The following ANKS1B variants were observed in gnomAD, a reference collection of about 807,000 sequenced individuals.
ANKS1B encodes the protein ankyrin repeat and sterile alpha motif domain containing 1B.
ANKS1B carries 36 observed loss-of-function variants against 148.3 expected under a neutral mutation model. That is an observed-to-expected ratio of 0.24 (90% confidence interval 0.19 to 0.32). The LOEUF is 0.32. ANKS1B is among the 10% of genes least tolerant of loss of function. ANKS1B has a pLI of 1.00. For synonymous variants in ANKS1B, 542 were observed against 560.8 expected, an observed-to-expected ratio of 0.97 and a Z score of 0.47; for missense variants, 1,157 against 1,542.6, an observed-to-expected ratio of 0.75 and a Z score of 4.19.
chr12:98,758,331 T>C (rs1377477376), intron 25 of ANKS1B, among the ~76,000 whole-genome samples: 3 of 152,206 alleles, frequency 2.0e-5, no homozygotes, highest in African/African-American at 7.2e-5. Flanking sequence ...TGAGAGGCTA[T>C]ACTCTTCTTG....
chr12:99,240,213 AG>A (rs1320126439), intron 14 of ANKS1B, among the ~76,000 whole-genome samples: 7 of 152,290 alleles, frequency 4.6e-5, no homozygotes, highest in African/African-American at 1.7e-4. Context: ...AAAGGGATGG[AG>A]GAAGATCTAC....
chr12:98,791,726 C>G (rs2098861915), intron 22 of ANKS1B, among the ~76,000 whole-genome samples: 1 of 152,144 alleles, frequency 6.6e-6, no homozygotes, highest in African/African-American at 2.4e-5. Flanking sequence ...CCCAGCTCAA[C>G]AGAGACTTTT....
intron 15 of ANKS1B, among the ~76,000 whole-genome samples, chr12:99,139,242 CTCTT>C (rs1292884228): frequency 7.0e-5 from 10 of 142,450 alleles, no homozygotes; most frequent in East Asian, 2.2e-4. Flanking sequence ...CCTTCCTTCT[CTCTT>C]TCTTTCTTCT....
At chr12:98,880,608 T>C (rs989683933) in intron 17 of ANKS1B, among the ~76,000 whole-genome samples, 1 of 151,556 alleles carries the variant, frequency 6.6e-6, no homozygotes, top group Admixed American at 6.6e-5. Flanking sequence ...CTACTAAAAA[T>C]ACAAAAAAAG....
intron 17 of ANKS1B, among the ~76,000 whole-genome samples, chr12:98,873,189 T>C (rs1228391319): frequency 6.6e-6 from 1 of 152,172 alleles, no homozygotes; most frequent in East Asian, 1.9e-4. Context: ...TATCACACCA[T>C]GTTAGAATTG....
At chr12:98,844,969 T>C (rs554672338) in intron 17 of ANKS1B, among the ~76,000 whole-genome samples, 1 of 152,296 alleles carries the variant, frequency 6.6e-6, no homozygotes, top group East Asian at 1.9e-4. Flanking sequence ...ATAAATATAA[T>C]GTCTTACATT....
intron 1 of ANKS1B, among the ~76,000 whole-genome samples, chr12:99,849,826 G>C (rs1417541897): frequency 2.0e-5 from 3 of 152,116 alleles, no homozygotes; most frequent in African/African-American, 7.2e-5. Flanking sequence ...ATAGTAACTA[G>C]AACAGGGCAC....
At chr12:99,853,178 C>G (rs1384068259) in intron 1 of ANKS1B, among the ~76,000 whole-genome samples, 1 of 152,096 alleles carries the variant, frequency 6.6e-6, no homozygotes, top group South Asian at 2.1e-4. Flanking sequence ...CGCTATGGCC[C>G]CACCCACTCC....
chr12:99,440,032 C>T lies in ANKS1B; in HGVS notation c.1575+3641G>A, dbSNP rs964284156. The stretch of plus-strand genomic sequence containing the variant: ...AGTGAAAGAAACCCAAACAGTGATA[C>T]GCACACAGAAAACATACTCACCATA... On this transcript the variant is annotated intron_variant, in intron 11 of 26. Coordinates refer to ENST00000683438, the MANE Select transcript of ANKS1B (RefSeq NM_001352186.2). 5.3e-5 allele frequency among the ~76,000 whole-genome samples: 8 copies of T among 151,710 alleles called. No individual in the cohort carries two copies. In the East Asian group the frequency reaches 9.7e-4, roughly 18 times the overall value.
intron 19 of ANKS1B, among the ~76,000 whole-genome samples, chr12:98,823,796 A>T (rs1445648671): frequency 1.3e-5 from 2 of 152,258 alleles, no homozygotes; most frequent in African/African-American, 4.8e-5. Flanking sequence ...CTGGCCAAAA[A>T]AGCCACTTTC....
At chr12:99,072,023 A>C (rs2046439052) in intron 16 of ANKS1B, among the ~76,000 whole-genome samples, 4 of 152,176 alleles carry the variant, frequency 2.6e-5, no homozygotes, top group Admixed American at 1.3e-4. Flanking sequence ...ACTAAACAAT[A>C]ATCTTTAAAT....
intron 14 of ANKS1B, among the ~76,000 whole-genome samples, chr12:99,189,644 C>G (rs988789000): frequency 2.0e-5 from 3 of 152,252 alleles, no homozygotes; most frequent in Admixed American, 2.0e-4. Flanking sequence ...AATTCAACAG[C>G]CCTTCATCTA....
intron 1 of ANKS1B, among the ~76,000 whole-genome samples, chr12:99,883,518 TA>T (rs1055999070): frequency 4.6e-5 from 7 of 151,572 alleles, no homozygotes; most frequent in East Asian, 1.9e-4. Flanking sequence ...GCATGATTCA[TA>T]AAAAAAATTT....
rs187420729 is a variant in ANKS1B at position 98,872,499 on chromosome 12, G to A, written c.2779-40363C>T. ...GGTTGCAGTGAGCTGAGATTGTGCC[G>A]CTGCACTCCAGTCTGGGTAACAGAG... On this transcript the variant is annotated intron_variant, in intron 17 of 26. Transcript: ENST00000683438. Among the ~76,000 whole-genome samples the A allele has an allele frequency of 2.8e-4, 43 of 152,192 alleles. 1 individual carries two copies. Among genetic ancestry groups the A allele is most frequent in the African/African-American group, 8.4e-4 (35 of 41,528 alleles).
rs534641913 is a variant in ANKS1B at position 99,778,500 on chromosome 12, C to T, written c.847+1371G>A. On this transcript the variant is annotated intron_variant, in intron 6 of 26. Transcript: ENST00000683438. ...TCCAGCCTAGGCAATAAGAGCAAAA[C>T]TCTTTCTCAAAAAAAAAAAAAAAAA... Among the ~76,000 whole-genome samples the T allele has an allele frequency of 1.2e-3, 170 of 139,640 alleles. 1 individual carries two copies. Among genetic ancestry groups the T allele is most frequent in the African/African-American group, 4.5e-3 (168 of 37,294 alleles). 91.6% of individuals were successfully genotyped at this position (139,640 alleles called of 152,430 possible). A position where few individuals can be genotyped will look rare whatever the true frequency, so the allele number is the denominator to read the frequency against.
At chr12:99,156,088 C>T (rs972544993) in intron 14 of ANKS1B, among the ~76,000 whole-genome samples, 1 of 152,148 alleles carries the variant, frequency 6.6e-6, no homozygotes, top group African/African-American at 2.4e-5. Context: ...CCTCAAACCT[C>T]ATCTTTCTCT....
chr12:99,584,978 T>C (rs963685539), intron 9 of ANKS1B, among the ~76,000 whole-genome samples: 1 of 151,422 alleles, frequency 6.6e-6, no homozygotes, highest in Admixed American at 6.6e-5. Context: ...AACTATATCA[T>C]CCCCCCGGCC....
chr12:98,908,731 T>A (rs1377173514), intron 17 of ANKS1B, among the ~76,000 whole-genome samples: 1 of 152,100 alleles, frequency 6.6e-6, no homozygotes, highest in Non-Finnish European at 1.5e-5. Flanking sequence ...CAAGGAGTAG[T>A]GTTTGTTCCT....
chr12:99,275,133 A>G (rs1288377984), intron 12 of ANKS1B, among the ~76,000 whole-genome samples: 1 of 152,228 alleles, frequency 6.6e-6, no homozygotes, highest in African/African-American at 2.4e-5. Flanking sequence ...TATAATGCAT[A>G]ATAATCCCAG....
Sources: allele counts gnomAD v4.1 joint callset (sites outside exome capture counted in the v4.1 genomes callset), GRCh38; gene constraint gnomAD v4.1.1; transcripts MANE v1.5; gene names NCBI Gene and HGNC (gene_info 2026-07-23, HGNC 2026-07-21).